The following EXT1 variants were observed in gnomAD, a reference collection of about 807,000 sequenced individuals.
EXT1 encodes exostosin glycosyltransferase 1, also known as exostosin-1.
Under a neutral mutation model 82.5 loss-of-function variants are expected in EXT1, and 20 were observed. The observed-to-expected ratio is 0.24, with a 90% CI of 0.17 to 0.35. The LOEUF (loss-of-function observed/expected upper bound fraction) is 0.35, where lower values mean the gene tolerates loss of function less well. Among genes scored for constraint, EXT1 ranks in the 10% least tolerant of loss-of-function variants. The probability of loss-of-function intolerance (pLI) is 1.00; values close to 1 mark genes in which losing one functional copy is unlikely to be tolerated. For synonymous variants in EXT1, 348 were observed against 350.8 expected (o/e 0.99, Z 0.09); for missense variants, 757 against 936.5 (o/e 0.81, Z 2.50).
At chr8:118,025,711 G>GA (rs1363303206) in intron 1 of EXT1, among the ~76,000 whole-genome samples, 1 of 151,868 alleles carries the variant, frequency 6.6e-6, no homozygotes, top group Non-Finnish European at 1.5e-5. Context: ...AGGCACAGGA[G>GA]AAAAAAATGT....
intron 1 of EXT1, among the ~76,000 whole-genome samples, chr8:118,046,631 T>C (rs907476022): frequency 6.6e-6 from 1 of 152,212 alleles, no homozygotes; most frequent in Non-Finnish European, 1.5e-5. Flanking sequence ...TCCTCTGAAG[T>C]GACTTTTAGA....
At chr8:117,830,373 G>C (rs1468491286) in intron 3 of EXT1, 24 bp from the exon 4 acceptor site, 2 of 1,613,002 alleles carry the variant, frequency 1.2e-6, no homozygotes, top group Admixed American at 3.3e-5. Flanking sequence ...TGAACACATA[G>C]GAATTATAAC....
chr8:117,811,834 T>G (rs1294189583), intron 8 of EXT1, among the ~76,000 whole-genome samples: 1 of 152,222 alleles, frequency 6.6e-6, no homozygotes, highest in Non-Finnish European at 1.5e-5. Context: ...CAGGCTGGTC[T>G]CGAACTCCTG....
chr8:117,965,993 T>TACACACACACACACACACACACACAC (rs35638588), intron 1 of EXT1, among the ~76,000 whole-genome samples: 62 of 150,594 alleles, frequency 4.1e-4, no homozygotes, highest in African/African-American at 1.4e-3. Flanking sequence ...TACATGCATA[T>TACACACACACACACACACACACACAC]ACACACACAC....
rs375284779 is a variant in EXT1, at chr8:117,807,357, C to T, written c.1743G>A (p.Val581=). 4.0e-5 allele frequency: 64 copies of T among 1,614,082 alleles called. 1 individual carries two copies. In the East Asian group the frequency reaches 5.6e-4, roughly 14 times the overall value. ...STTEVDFAFT[V]WQSFPERIVG... ...CAATCCTCTCAGGGAAGCTCTGCCA[C>T]ACTGTGAAGGCGAAATCCACCTGCA... Residue 581 remains valine (V), a synonymous_variant, in exon 9 of 11, where the codon GTG becomes GTA. Coordinates refer to ENST00000378204, the MANE Select transcript of EXT1 (RefSeq NM_000127.3).
At chr8:117,823,714 A>G (rs866392079) in intron 4 of EXT1, among the ~76,000 whole-genome samples, 4 of 152,234 alleles carry the variant, frequency 2.6e-5, no homozygotes, top group Middle Eastern at 3.4e-3. Context: ...TTATCTTTGC[A>G]AATCTTATGT....
At chr8:118,075,116 G>T (rs1183296869) in intron 1 of EXT1, among the ~76,000 whole-genome samples, 1 of 152,210 alleles carries the variant, frequency 6.6e-6, no homozygotes, top group Non-Finnish European at 1.5e-5. Flanking sequence ...ACATCTGACA[G>T]ATGTTACTGC....
chr8:117,805,642 A>AT (rs1823225761), intron 9 of EXT1, among the ~76,000 whole-genome samples: 1 of 152,214 alleles, frequency 6.6e-6, no homozygotes, highest in Non-Finnish European at 1.5e-5. Context: ...TGAGACCAAG[A>AT]ATCAGTCAGC....
chr8:118,034,783 C>T (rs1265277071), intron 1 of EXT1, among the ~76,000 whole-genome samples: 1 of 152,160 alleles, frequency 6.6e-6, no homozygotes, highest in Non-Finnish European at 1.5e-5. Context: ...TCTACCCTCA[C>T]CACAGTCTTC....
intron 1 of EXT1, among the ~76,000 whole-genome samples, chr8:118,031,346 G>A (rs954406468): frequency 6.6e-6 from 1 of 151,994 alleles, no homozygotes; most frequent in Non-Finnish European, 1.5e-5. Context: ...CCAACACAGC[G>A]AAACCCCGTC....
intron 1 of EXT1, among the ~76,000 whole-genome samples, chr8:118,061,242 T>A (rs1816875974): frequency 1.3e-5 from 2 of 152,222 alleles, no homozygotes; most frequent in Admixed American, 6.5e-5. Context: ...ATTACTGTTA[T>A]CATTTTATTA....
Position 117,794,708 on chromosome 8 carries a change from A to AATAGC in EXT1, c.*5003_*5004insGCTAT, listed in dbSNP as rs1196368735. On this transcript the variant is annotated 3_prime_UTR_variant, in exon 11 of 11. Coordinates refer to ENST00000378204, the MANE Select transcript of EXT1 (RefSeq NM_000127.3). ...CTTGAGGGCTTAATTACGCTAAGTC[A>AATAGC]TTAATACTCTATAACAAATGGGAAA... is the stretch of plus-strand genomic sequence containing the variant. 1.3e-5 allele frequency: 2 copies of AATAGC among 152,316 alleles called. No individual in the cohort carries two copies. The highest frequency in any genetic ancestry group is 4.8e-5 in the African/African-American group (2 of 41,560). The allele number at this position is 152,316 out of a possible 1,614,324, so 9.4% of individuals were successfully genotyped here.
At chr8:118,032,168 G>T (rs1261657071) in intron 1 of EXT1, among the ~76,000 whole-genome samples, 2 of 147,176 alleles carry the variant, frequency 1.4e-5, no homozygotes, top group African/African-American at 4.9e-5. Flanking sequence ...CCTAATAAAT[G>T]CAATACTTGT....
intron 1 of EXT1, among the ~76,000 whole-genome samples, chr8:118,070,366 C>T (rs2129961576): frequency 6.6e-6 from 1 of 151,112 alleles, no homozygotes; most frequent in East Asian, 2.0e-4. Context: ...ATGAAAGTTC[C>T]TTATCTCTGC....
intron 1 of EXT1, among the ~76,000 whole-genome samples, chr8:117,926,023 G>T (rs1415610517): frequency 6.6e-6 from 1 of 152,206 alleles, no homozygotes; most frequent in Non-Finnish European, 1.5e-5. Flanking sequence ...GACCCAAAGG[G>T]TTAAGCAATT....
At chr8:117,906,196 C>A (rs1451784529) in intron 1 of EXT1, among the ~76,000 whole-genome samples, 1 of 152,164 alleles carries the variant, frequency 6.6e-6, no homozygotes, top group Admixed American at 6.5e-5. Context: ...TAACTTTGAA[C>A]ATGTGTTACT....
intron 1 of EXT1, among the ~76,000 whole-genome samples, chr8:118,029,221 G>A (rs1191618227): frequency 1.3e-5 from 2 of 152,106 alleles, no homozygotes; most frequent in Non-Finnish European, 2.9e-5. Flanking sequence ...TTGAAGCCAG[G>A]AGTTCAAGAC....
At chr8:118,065,257 CA>C (rs992611270) in intron 1 of EXT1, among the ~76,000 whole-genome samples, 3 of 152,154 alleles carry the variant, frequency 2.0e-5, no homozygotes, top group Non-Finnish European at 4.4e-5. Context: ...AGCTTTTTTT[CA>C]TATGTTTGTT....
intron 1 of EXT1, among the ~76,000 whole-genome samples, chr8:118,069,090 G>T (rs1291753690): frequency 3.3e-5 from 5 of 152,168 alleles, no homozygotes. Context: ...CACAAACATA[G>T]CTTGGACTAG....
Sources: gnomAD v4.1 joint callset for allele counts (sites outside exome capture counted in the v4.1 genomes callset) on GRCh38, gnomAD v4.1.1 for gene constraint, MANE v1.5 for transcripts, NCBI Gene and HGNC (gene_info 2026-07-23, HGNC 2026-07-21) for gene names.